The following ARAP2 variants were observed in gnomAD, a reference collection of about 807,000 sequenced individuals.
ARAP2 encodes the protein ArfGAP with RhoGAP domain, ankyrin repeat and PH domain 2, also known as arf-GAP with Rho-GAP domain, ANK repeat and PH domain-containing protein 2.
ARAP2 carries 148 observed loss-of-function variants against 194.5 expected under a neutral mutation model. That is an observed-to-expected ratio of 0.76 (90% CI 0.67 to 0.87). The LOEUF is 0.87. Among genes scored for constraint, ARAP2 ranks in the 40% least tolerant of loss-of-function variants. The pLI is 0.00. For synonymous variants in ARAP2, 695 were observed against 683.5 expected (o/e 1.02, Z -0.26); for missense variants, 2,128 against 1,989.7 (o/e 1.07, Z -1.32).
intron 5 of ARAP2, among the ~76,000 whole-genome samples, chr4:36,028,652 T>A (rs555595883): frequency 1.6e-4 from 25 of 152,040 alleles, no homozygotes; most frequent in African/African-American, 5.5e-4. Flanking sequence ...ATTAATTATG[T>A]TTTTTCCTGT....
rs573617872 is a variant in ARAP2 at position 36,195,431 on chromosome 4, T to G, written c.1488-1784A>C. 3.3e-5 allele frequency among the ~76,000 whole-genome samples: 5 copies of G among 152,334 alleles called. No homozygotes were observed. In the East Asian group the frequency reaches 9.6e-4, roughly 29 times the overall value. On this transcript the variant is annotated intron_variant, in intron 6 of 32. Transcript: ENST00000303965. ...AATAATTATACACTGGATAAATTAGTCACTTTTTGCTCATTTCATTTTATC... is the reference window on the plus strand; with the variant it reads ...AATAATTATACACTGGATAAATTAGGCACTTTTTGCTCATTTCATTTTATC...
intron 24 of ARAP2, among the ~76,000 whole-genome samples, chr4:36,118,458 A>C (rs925110482): frequency 1.3e-5 from 2 of 151,402 alleles, no homozygotes; most frequent in African/African-American, 4.8e-5. Context: ...TTTAAGTAAA[A>C]AAACAGATTT....
intron 3 of ARAP2, among the ~76,000 whole-genome samples, chr4:36,048,668 T>A (rs1195798433): frequency 6.6e-6 from 1 of 152,178 alleles, no homozygotes; most frequent in East Asian, 1.9e-4. Flanking sequence ...GCTATGGACA[T>A]AACAGGTACA....
chr4:36,121,292 C>A lies in ARAP2; in HGVS notation c.3781G>T (p.Ala1261Ser), dbSNP rs1035126747. The change falls in exon 23 of 33, where the codon GCC becomes TCC. Residue 1261 changes from alanine (A) to serine (S), a missense_variant. By Grantham distance (99) the Ala-to-Ser change is moderately conservative. Coordinates refer to ENST00000303965, the MANE Select transcript of ARAP2 (RefSeq NM_015230.4). ...QKCSEINHMN[A>S]HNLALVFSSC... ...GAAAAGACCAAGGCCAAATTATGGG[C>A]ATTCATGTGATTGATTTCTGAGCAT... 4.4e-6 allele frequency: 7 copies of A among 1,601,738 alleles called. No individual in the cohort carries two copies. The highest frequency in any genetic ancestry group is 6.0e-6 in the Non-Finnish European group (7 of 1,173,146).
At chr4:36,145,972 A>G (rs1182117625) in intron 19 of ARAP2, among the ~76,000 whole-genome samples, 1 of 151,940 alleles carries the variant, frequency 6.6e-6, no homozygotes, top group Non-Finnish European at 1.5e-5. Context: ...CACCAGATCC[A>G]CTTTGCCACC....
intron 16 of ARAP2, 51 bp downstream of exon 16, chr4:36,150,849 T>A (rs1234657474): frequency 1.3e-6 from 2 of 1,563,576 alleles, no homozygotes; most frequent in Non-Finnish European, 1.7e-6. Context: ...TTACCTGTTA[T>A]AATTATCTGA....
chr4:36,080,271 CA>C lies in ARAP2; in HGVS notation c.4552del (p.Cys1518ValfsTer12). Reference sequence around the variant, plus strand: ...CGTCTGAGTTCGTGAACTATCACAACACAGGTGCCTGCAAAACGAGGTTTAT... The same window carrying C: ...CGTCTGAGTTCGTGAACTATCACAACCAGGTGCCTGCAAAACGAGGTTTAT... ...AYSEKHHWHL[C>X]CDSSRTQTEW... On this transcript the variant is annotated frameshift_variant, in exon 31 of 33. Coordinates refer to ENST00000303965, the MANE Select transcript of ARAP2 (RefSeq NM_015230.4). LOFTEE classifies it high-confidence loss of function. 1 of 1,612,670 alleles carries C rather than the reference CA, an allele frequency of 6.2e-7. No homozygotes were observed. Among genetic ancestry groups the C allele is most frequent in the South Asian group, 1.1e-5 (1 of 91,004 alleles).
At chr4:36,192,173 T>TC (rs1560631245) in intron 7 of ARAP2, among the ~76,000 whole-genome samples, 2 of 85,366 alleles carry the variant, frequency 2.3e-5, no homozygotes, top group Non-Finnish European at 3.0e-5. Context: ...TTTCTGTTTT[T>TC]TTTTTTTTTT....
At chr4:36,123,382 A>G (rs1723131624) in intron 22 of ARAP2, among the ~76,000 whole-genome samples, 1 of 151,804 alleles carries the variant, frequency 6.6e-6, no homozygotes, top group Non-Finnish European at 1.5e-5. Flanking sequence ...CAATCTTTTA[A>G]GGACATTATC....
intron 32 of ARAP2, among the ~76,000 whole-genome samples, chr4:36,072,076 T>G (rs975773743): frequency 7.9e-5 from 12 of 152,156 alleles, no homozygotes; most frequent in African/African-American, 2.7e-4. Context: ...TCTAATATTA[T>G]GGCAGATATT....
intron 9 of ARAP2, among the ~76,000 whole-genome samples, chr4:36,171,221 G>A (rs1415102875): frequency 4.6e-5 from 7 of 152,120 alleles, no homozygotes; most frequent in Non-Finnish European, 8.8e-5. Context: ...ACATGCACAC[G>A]TATGTTTATT....
chr4:36,228,559 C>A (rs1486108117), intron 2 of ARAP2, 23 bp downstream of exon 2: 9 of 1,535,866 alleles, frequency 5.9e-6, no homozygotes, highest in Non-Finnish European at 7.9e-6. Context: ...TGAATATTTA[C>A]AGCTTATTGT....
chr4:36,225,281 C>A (rs1424076981), intron 2 of ARAP2, among the ~76,000 whole-genome samples: 1 of 152,180 alleles, frequency 6.6e-6, no homozygotes, highest in African/African-American at 2.4e-5. Flanking sequence ...AAGGATAATA[C>A]AATTGCATGA....
intron 32 of ARAP2, among the ~76,000 whole-genome samples, chr4:36,070,792 A>G (rs1392740687): frequency 6.6e-6 from 1 of 152,210 alleles, no homozygotes; most frequent in Non-Finnish European, 1.5e-5. Context: ...AATCATATCA[A>G]TAAATTTAAT....
intron 6 of ARAP2, 87 bp from the exon 7 acceptor site, chr4:36,193,734 T>C: frequency 3.1e-6 from 3 of 983,142 alleles, no homozygotes; most frequent in South Asian, 3.6e-5. Flanking sequence ...CGTGTAAATA[T>C]ATTATTATTT....
chr4:36,111,918 AG>A (rs1216972427), intron 26 of ARAP2, among the ~76,000 whole-genome samples: 1 of 151,956 alleles, frequency 6.6e-6, no homozygotes, highest in Admixed American at 6.6e-5. Context: ...GGAGGTAGGG[AG>A]GGGATGCCTA....
intron 30 of ARAP2, among the ~76,000 whole-genome samples, chr4:36,080,858 G>A (rs987128990): frequency 2.6e-5 from 4 of 152,274 alleles, no homozygotes; most frequent in South Asian, 4.1e-4. Flanking sequence ...TATTAGGGGA[G>A]CTAAGCATAT....
chr4:36,197,702 G>C (rs538648874), intron 6 of ARAP2, among the ~76,000 whole-genome samples: 1 of 152,324 alleles, frequency 6.6e-6, no homozygotes, highest in East Asian at 1.9e-4. Context: ...ATGGGGTCCA[G>C]CCACTGCACA....
Position 36,229,013 on chromosome 4 carries a change from T to C in ARAP2, c.474A>G (p.Glu158=), listed in dbSNP as rs1750916715. The stretch of plus-strand genomic sequence containing the variant: ...TCAAAGAACCCAAATTCAGGTGTGG[T>C]TCCTCTGCAGTGGGGAAGTCGCGTT... The part of the protein sequence containing the change: ...PPKRDFPTAE[E]PHLNLGSLND... The change falls in exon 2 of 33, where the codon GAA becomes GAG. Residue 158 remains glutamate, a synonymous_variant. Coordinates refer to ENST00000303965, the MANE Select transcript of ARAP2 (RefSeq NM_015230.4). 1 of 1,613,978 alleles carries C rather than the reference T, an allele frequency of 6.2e-7. No individual in the cohort carries two copies. Among genetic ancestry groups the C allele is most frequent in the Non-Finnish European group, 8.5e-7 (1 of 1,180,016 alleles).
Sources: gnomAD v4.1 joint callset for allele counts (sites outside exome capture counted in the v4.1 genomes callset) on GRCh38, gnomAD v4.1.1 for gene constraint, MANE v1.5 for transcripts, NCBI Gene and HGNC (gene_info 2026-07-23, HGNC 2026-07-21) for gene names.